Variants in EBF2 observed in about 807,000 individuals in gnomAD.
EBF2 encodes transcription factor COE2.
EBF2 carries 21 observed loss-of-function variants against 72.8 expected under a neutral mutation model. The ratio of observed to expected loss-of-function variants is 0.29; its 90% CI spans 0.20 to 0.42. The LOEUF is 0.42. Among genes scored for constraint, EBF2 ranks in the 10% least tolerant of loss-of-function variants. EBF2 has a pLI of 1.00. For missense variants in EBF2, 637 were observed against 731.2 expected (o/e 0.87, Z 1.49); for synonymous variants, 299 against 274.2 (o/e 1.09, Z -0.89).
chr8:25,948,491 A>G (rs1289587475), intron 6 of EBF2, among the ~76,000 whole-genome samples: 2 of 152,136 alleles, frequency 1.3e-5, no homozygotes, highest in Non-Finnish European at 2.9e-5. Context: ...ATTATACCCT[A>G]TTTGACTAGG....
chr8:25,954,611 C>T (rs1431625502), intron 6 of EBF2, among the ~76,000 whole-genome samples: 1 of 152,172 alleles, frequency 6.6e-6, no homozygotes, highest in East Asian at 1.9e-4. Flanking sequence ...GTTGCACCAC[C>T]GTTTCCCACA....
intron 6 of EBF2, among the ~76,000 whole-genome samples, chr8:26,009,697 C>T (rs908538915): frequency 1.3e-5 from 2 of 152,154 alleles, no homozygotes; most frequent in Non-Finnish European, 2.9e-5. Flanking sequence ...CCAATAACAG[C>T]TGGGCAGAGA....
chr8:25,920,316 G>A (rs1041109309), intron 6 of EBF2, among the ~76,000 whole-genome samples: 1 of 152,204 alleles, frequency 6.6e-6, no homozygotes, highest in Non-Finnish European at 1.5e-5. Flanking sequence ...TTTTTATAAA[G>A]CAAGAAAGTG....
chr8:26,000,777 C>T (rs1178724999), intron 6 of EBF2, among the ~76,000 whole-genome samples: 2 of 152,132 alleles, frequency 1.3e-5, no homozygotes, highest in East Asian at 1.9e-4. Context: ...ATTGTTCTTC[C>T]CTGTGGACAT....
At chr8:26,040,916 A>G (rs752090461) in intron 3 of EBF2, 23 bp downstream of exon 3, 1 of 1,613,842 alleles carries the variant, frequency 6.2e-7, no homozygotes, top group South Asian at 1.1e-5. Context: ...GCGCCGGCTC[A>G]CCGTTGCTGT....
chr8:25,866,636 T>TATATA (rs1491353316), intron 10 of EBF2, among the ~76,000 whole-genome samples: 15 of 48,164 alleles, frequency 3.1e-4, no homozygotes, highest in Admixed American at 6.1e-4. Flanking sequence ...TATATATATA[T>TATATA]TTTTTTTTTT....
intron 10 of EBF2, among the ~76,000 whole-genome samples, chr8:25,876,051 A>C (rs1341649865): frequency 6.6e-6 from 1 of 152,258 alleles, no homozygotes; most frequent in African/African-American, 2.4e-5. Context: ...AAAATGTGGT[A>C]TATATACACT....
At chr8:25,911,553 C>A (rs539530222) in intron 6 of EBF2, among the ~76,000 whole-genome samples, 5 of 152,256 alleles carry the variant, frequency 3.3e-5, no homozygotes, top group African/African-American at 1.2e-4. Flanking sequence ...CAAGGGTTAG[C>A]CTTGACCTGT....
chr8:25,953,967 G>C (rs906885428), intron 6 of EBF2, among the ~76,000 whole-genome samples: 1 of 152,132 alleles, frequency 6.6e-6, no homozygotes, highest in African/African-American at 2.4e-5. Flanking sequence ...ACCTGTTAAA[G>C]GTTGGGCTTT....
In EBF2 at chr8:26,040,661, C is replaced by A; in HGVS notation, c.363G>T (p.Thr121=). 3 of 1,555,404 alleles carry A rather than the reference C, an allele frequency of 1.9e-6. No homozygotes were observed. Among genetic ancestry groups the A allele is most frequent in the Non-Finnish European group, 2.6e-6 (3 of 1,148,980 alleles). The change falls in exon 4 of 16, where the codon ACG becomes ACT. Residue 121 remains threonine, a synonymous_variant. Transcript: ENST00000520164. ...TGAGCCTGACATAGAGGTCCTGTTC[C>A]GTGCGGACACCTGCGGGGACCGGAG... ...LQLLYSNGVR[T]EQDLYVRLID... is the part of the protein sequence containing the mutation.
chr8:26,016,193 C>T (rs1805108059), intron 6 of EBF2, among the ~76,000 whole-genome samples: 1 of 152,218 alleles, frequency 6.6e-6, no homozygotes, highest in South Asian at 2.1e-4. Context: ...CACTCCACTT[C>T]ATCTGAGCAT....
At chr8:25,963,812 TAAGC>T (rs1371773507) in intron 6 of EBF2, among the ~76,000 whole-genome samples, 1 of 152,200 alleles carries the variant, frequency 6.6e-6, no homozygotes, top group Non-Finnish European at 1.5e-5. Context: ...GCTAGCTAAT[TAAGC>T]AAGAAGCAGG....
rs563523336 is a variant in EBF2, at chr8:25,861,924, C to T, written c.1099-550G>A. Among the ~76,000 whole-genome samples, 33 of 152,208 alleles carry T rather than the reference C, an allele frequency of 2.2e-4. No individual in the cohort carries two copies. In the South Asian group the frequency reaches 6.7e-3, roughly 31 times the overall value. On this transcript the variant is annotated intron_variant, in intron 11 of 15. Transcript: ENST00000520164. ...CACGAATCCCTTTCCTCTCATTTTGCCTTTTCCACCTCCTGTTTTACACAG... is the reference window on the plus strand; with the variant it reads ...CACGAATCCCTTTCCTCTCATTTTGTCTTTTCCACCTCCTGTTTTACACAG...
At chr8:25,866,438 T>A (rs11135898) in intron 10 of EBF2, among the ~76,000 whole-genome samples, 39,893 of 138,590 alleles carry the variant, frequency 0.29, 5,860 homozygotes, top group South Asian at 0.39. Context: ...TTTATTTATA[T>A]ATATAATATA....
At chr8:25,855,138 C>T (rs193225589) in intron 14 of EBF2, among the ~76,000 whole-genome samples, 3 of 152,286 alleles carry the variant, frequency 2.0e-5, no homozygotes, top group South Asian at 2.1e-4. Flanking sequence ...GCCCAGAAAT[C>T]TCTGTGAACA....
At position 25,844,578 on chromosome 8, in the gene EBF2, T is replaced by C; in HGVS notation, c.*31A>G. 1 of 1,613,000 alleles carries C rather than the reference T, an allele frequency of 6.2e-7. No individual in the cohort carries two copies. Among genetic ancestry groups the C allele is most frequent in the African/African-American group, 1.3e-5 (1 of 75,004 alleles). On this transcript the variant is annotated 3_prime_UTR_variant, in exon 16 of 16. Coordinates refer to ENST00000520164, the MANE Select transcript of EBF2 (RefSeq NM_022659.4). ...TTCATTATTGGTCCATCAGAGTAAG[T>C]AGTTTTGTGCTATAAGAAAGCAGTT...
At chr8:25,893,271 A>ATTTTTTTT (rs201829098) in intron 7 of EBF2, among the ~76,000 whole-genome samples, 2 of 111,446 alleles carry the variant, frequency 1.8e-5, no homozygotes, top group Non-Finnish European at 1.7e-5. Context: ...TAATTCTTCC[A>ATTTTTTTT]TTTTTTTTTT....
chr8:25,851,448 A>G (rs1207714717), intron 14 of EBF2, among the ~76,000 whole-genome samples: 1 of 152,202 alleles, frequency 6.6e-6, no homozygotes, highest in Non-Finnish European at 1.5e-5. Context: ...TTAAGGGAAG[A>G]CAAAAGCCAA....
intron 10 of EBF2, among the ~76,000 whole-genome samples, chr8:25,866,295 A>C (rs1033537216): frequency 1.3e-5 from 2 of 151,286 alleles, no homozygotes; most frequent in Non-Finnish European, 2.9e-5. Flanking sequence ...ATATTATACC[A>C]CCAAATATGG....
Sources: allele counts gnomAD v4.1 joint callset (sites outside exome capture counted in the v4.1 genomes callset), GRCh38; gene constraint gnomAD v4.1.1; transcripts MANE v1.5; gene names NCBI Gene and HGNC (gene_info 2026-07-23, HGNC 2026-07-21).